The following ZNF487 variants were observed in gnomAD, a reference collection of about 807,000 sequenced individuals.
ZNF487 encodes zinc finger protein 487.
Under a neutral mutation model 3.0 loss-of-function variants are expected in ZNF487, and 4 were observed. That is an observed-to-expected ratio of 1.35 (90% CI 0.66 to 3.08). The LOEUF (loss-of-function observed/expected upper bound fraction) is 3.08. Among genes scored for constraint, ZNF487 ranks in the 30% most tolerant of loss-of-function variants. The pLI, the probability that ZNF487 is intolerant of heterozygous loss-of-function variation, is 0.01. For synonymous variants in ZNF487, 55 were observed against 34.6 expected (o/e 1.59, Z -2.06); for missense variants, 146 against 98.7 (o/e 1.48, Z -2.03).
chr10:43,439,822 C>T (rs1172416823), intron 1 of ZNF487, among the ~76,000 whole-genome samples: 1 of 152,016 alleles, frequency 6.6e-6, no homozygotes, highest in Non-Finnish European at 1.5e-5. Flanking sequence ...TGTATGATCC[C>T]CACTTATATG....
the ZNF487 span, chr10:43,523,773 C>T: frequency 8.1e-3 from 1,234 of 152,276 alleles, 14 homozygotes; most frequent in South Asian, 0.036. Context: ...CAATCCAAAC[C>T]TCCTTGTTCA....
chr10:43,485,877 A>C (rs183337319), downstream of ZNF487, among the ~76,000 whole-genome samples: 136 of 152,296 alleles, frequency 8.9e-4, 1 homozygote, highest in Middle Eastern at 0.014. Flanking sequence ...AGACTATTTC[A>C]GTAAATCATT....
At chr10:43,517,654 G>A in the ZNF487 span, among the ~76,000 whole-genome samples, 1 of 152,186 alleles carries the variant, frequency 6.6e-6, no homozygotes, top group African/African-American at 2.4e-5. Context: ...TCCTGAGCTT[G>A]TGACCCTCCA....
chr10:43,449,476 A>C (rs576839835), intron 1 of ZNF487, among the ~76,000 whole-genome samples: 16 of 152,304 alleles, frequency 1.1e-4, no homozygotes, highest in African/African-American at 3.1e-4. Flanking sequence ...TCATAGGAAA[A>C]TTCTACTTAA....
chr10:43,453,548 G>C (rs1038860892), intron 1 of ZNF487: 1 of 152,158 alleles, frequency 6.6e-6, no homozygotes, highest in African/African-American at 2.4e-5. Context: ...TGGAGTTATG[G>C]GGGGAGAGTT....
intron 1 of ZNF487, among the ~76,000 whole-genome samples, chr10:43,463,552 A>G (rs1263532677): frequency 6.9e-6 from 1 of 145,222 alleles, no homozygotes; most frequent in African/African-American, 2.6e-5. Context: ...AAAAAAAAAA[A>G]TTTTTTTTTT....
chr10:43,521,157 A>C, the ZNF487 span, among the ~76,000 whole-genome samples: 4 of 152,178 alleles, frequency 2.6e-5, no homozygotes, highest in South Asian at 4.1e-4. Context: ...ATGAATATTG[A>C]ATCATTGCTC....
intron 1 of ZNF487, 60 bp downstream of exon 1, chr10:43,437,322 C>G (rs1364265231): frequency 5.7e-6 from 1 of 174,296 alleles, no homozygotes; most frequent in Non-Finnish European, 1.3e-5. Flanking sequence ...CACCCAGGAT[C>G]GAGCGGGGAC....
At chr10:43,511,334 A>G in the ZNF487 span, among the ~76,000 whole-genome samples, 4 of 152,176 alleles carry the variant, frequency 2.6e-5, no homozygotes, top group African/African-American at 9.7e-5. Flanking sequence ...TTTTAGCCAT[A>G]AAGTAAGCAC....
At chr10:43,481,110 T>G (rs954661898) in intron 3 of ZNF487, among the ~76,000 whole-genome samples, 5 of 151,978 alleles carry the variant, frequency 3.3e-5, no homozygotes, top group Admixed American at 3.3e-4. Flanking sequence ...CATTACAGCC[T>G]GGGCAACAGG....
intron 1 of ZNF487, among the ~76,000 whole-genome samples, chr10:43,443,372 G>T (rs543489275): frequency 0.027 from 3,699 of 139,104 alleles, 86 homozygotes; most frequent in Non-Finnish European, 0.039. Flanking sequence ...CCTAGTTTTT[G>T]TTTTTGTTTT....
the ZNF487 span, among the ~76,000 whole-genome samples, chr10:43,490,500 CTTTTTTTTTTTTTT>C: frequency 1.0e-4 from 4 of 39,134 alleles, no homozygotes; most frequent in South Asian, 1.2e-3. Flanking sequence ...AGTAGCTCTA[CTTTTTTTTTTTTTT>C]TTTTTTTTTT....
downstream of ZNF487, among the ~76,000 whole-genome samples, chr10:43,484,334 C>A (rs191774627): frequency 6.6e-6 from 1 of 151,836 alleles, no homozygotes; most frequent in African/African-American, 2.4e-5. Flanking sequence ...GGTCCAGGCG[C>A]GGTGGCTCAC....
chr10:43,437,608 G>T (rs1839434207), intron 1 of ZNF487, among the ~76,000 whole-genome samples: 2 of 152,134 alleles, frequency 1.3e-5, no homozygotes, highest in South Asian at 4.1e-4. Context: ...GTTGTGGTGA[G>T]AAAAGAGGCT....
intron 1 of ZNF487, among the ~76,000 whole-genome samples, chr10:43,460,380 CTTTTT>C (rs199998705): frequency 8.3e-6 from 1 of 121,116 alleles, no homozygotes; most frequent in African/African-American, 3.2e-5. Context: ...TTCTTTCTTT[CTTTTT>C]TTTTTTTTTT....
intron 1 of ZNF487, among the ~76,000 whole-genome samples, chr10:43,444,579 G>C (rs1839734379): frequency 6.6e-6 from 1 of 151,902 alleles, no homozygotes. Context: ...TTTTTTGTTT[G>C]TTTGTTTGTT....
the ZNF487 span, among the ~76,000 whole-genome samples, chr10:43,509,388 A>G: frequency 6.6e-6 from 1 of 150,822 alleles, no homozygotes; most frequent in Non-Finnish European, 1.5e-5. Flanking sequence ...CTAATAAACA[A>G]CTGGTAAATA....
intron 1 of ZNF487, among the ~76,000 whole-genome samples, chr10:43,449,168 G>A (rs549886890): frequency 2.6e-5 from 4 of 151,846 alleles, no homozygotes; most frequent in Non-Finnish European, 5.9e-5. Flanking sequence ...GCATGGCGGC[G>A]TGGGCCTGTA....
chr10:43,505,951 G>T, the ZNF487 span, among the ~76,000 whole-genome samples: 1 of 152,202 alleles, frequency 6.6e-6, no homozygotes, highest in African/African-American at 2.4e-5. Flanking sequence ...CCCATTTTAT[G>T]TTTTTTAAAC....
Sources: allele counts gnomAD v4.1 joint callset (sites outside exome capture counted in the v4.1 genomes callset), GRCh38; gene constraint gnomAD v4.1.1; transcripts MANE v1.5; gene names NCBI Gene and HGNC (gene_info 2026-07-23, HGNC 2026-07-21).